Variants in KCNIP4 observed in about 807,000 individuals in gnomAD.
KCNIP4 encodes potassium voltage-gated channel interacting protein 4.
KCNIP4 carries 12 observed loss-of-function variants against 34.0 expected under a neutral mutation model. The observed-to-expected ratio is 0.35, with a 90% CI of 0.23 to 0.57. The LOEUF (loss-of-function observed/expected upper bound fraction) is 0.57, where lower values mean the gene tolerates loss of function less well. KCNIP4 is among the 20% of genes least tolerant of loss of function. The pLI, the probability that KCNIP4 is intolerant of heterozygous loss-of-function variation, is 0.83. For missense variants in KCNIP4, 238 were observed against 311.7 expected, an observed-to-expected ratio of 0.76 and a Z score of 1.78; for synonymous variants, 124 against 102.2, an observed-to-expected ratio of 1.21 and a Z score of -1.29.
At chr4:20,879,345 G>A (rs1046933913) in intron 2 of KCNIP4, among the ~76,000 whole-genome samples, 2 of 152,136 alleles carry the variant, frequency 1.3e-5, no homozygotes, top group Admixed American at 6.6e-5. Flanking sequence ...GATGGGAGAA[G>A]GCCATTGGCT....
At chr4:21,841,479 C>A (rs916339020) in intron 1 of KCNIP4, among the ~76,000 whole-genome samples, 1 of 152,118 alleles carries the variant, frequency 6.6e-6, no homozygotes, top group Non-Finnish European at 1.5e-5. Flanking sequence ...CAACCTTATT[C>A]TTTCTCCCAA....
chr4:21,592,250 G>A (rs1261303366), intron 1 of KCNIP4, among the ~76,000 whole-genome samples: 1 of 152,122 alleles, frequency 6.6e-6, no homozygotes, highest in Admixed American at 6.6e-5. Context: ...TTGGAGAAGA[G>A]AAGAGTATTT....
chr4:21,424,189 A>G (rs1278119712), intron 1 of KCNIP4, among the ~76,000 whole-genome samples: 1 of 152,094 alleles, frequency 6.6e-6, no homozygotes, highest in Non-Finnish European at 1.5e-5. Flanking sequence ...AGGGATGCAT[A>G]AAAGCACATT....
chr4:21,345,821 G>A, intron 1 of KCNIP4, among the ~76,000 whole-genome samples: 1 of 151,842 alleles, frequency 6.6e-6, no homozygotes, highest in East Asian at 1.9e-4. Context: ...GTGTTTAAAT[G>A]ACTAGTTATC....
At chr4:21,616,677 G>A (rs1374596744) in intron 1 of KCNIP4, among the ~76,000 whole-genome samples, 8 of 151,920 alleles carry the variant, frequency 5.3e-5, no homozygotes, top group African/African-American at 1.5e-4. Flanking sequence ...GATTTTTCTC[G>A]GCTTGTAGTT....
At chr4:21,303,480 T>C (rs946560812) in intron 1 of KCNIP4, among the ~76,000 whole-genome samples, 3 of 152,144 alleles carry the variant, frequency 2.0e-5, no homozygotes, top group African/African-American at 7.2e-5. Context: ...AGGTACTAGA[T>C]AAAATAATCA....
At chr4:21,792,068 G>T (rs1230105674) in intron 1 of KCNIP4, among the ~76,000 whole-genome samples, 2 of 138,610 alleles carry the variant, frequency 1.4e-5, no homozygotes, top group Non-Finnish European at 3.1e-5. Flanking sequence ...CACTCTCTCT[G>T]TTTTTTTGAG....
chr4:21,740,764 T>C (rs893995940), intron 1 of KCNIP4, among the ~76,000 whole-genome samples: 1 of 152,162 alleles, frequency 6.6e-6, no homozygotes, highest in Non-Finnish European at 1.5e-5. Flanking sequence ...ATGGAGAATC[T>C]GGGACTTAGC....
At chr4:20,852,070 G>A (rs1721092235) in intron 2 of KCNIP4, among the ~76,000 whole-genome samples, 1 of 152,050 alleles carries the variant, frequency 6.6e-6, no homozygotes, top group Non-Finnish European at 1.5e-5. Context: ...AGAATGGAAG[G>A]ACATCTGAAG....
chr4:21,133,208 T>C (rs571892847), intron 1 of KCNIP4, among the ~76,000 whole-genome samples: 1 of 152,322 alleles, frequency 6.6e-6, no homozygotes, highest in East Asian at 1.9e-4. Flanking sequence ...GGGTTTGTCC[T>C]ATTTACAATC....
intron 1 of KCNIP4, among the ~76,000 whole-genome samples, chr4:21,387,357 C>T (rs564587368): frequency 2.0e-5 from 3 of 152,180 alleles, no homozygotes; most frequent in Non-Finnish European, 2.9e-5. Flanking sequence ...TTCTAAGCAA[C>T]GTTTAATTAT....
chr4:21,419,747 G>T (rs1272163851), intron 1 of KCNIP4, among the ~76,000 whole-genome samples: 1 of 152,024 alleles, frequency 6.6e-6, no homozygotes, highest in Non-Finnish European at 1.5e-5. Flanking sequence ...TTTGCTCCCT[G>T]CCAAGTCATT....
chr4:21,706,299 T>A (rs1180322323), intron 1 of KCNIP4, among the ~76,000 whole-genome samples: 2 of 152,152 alleles, frequency 1.3e-5, no homozygotes, highest in Non-Finnish European at 2.9e-5. Flanking sequence ...AAACCAGTTT[T>A]GGCACATGGT....
chr4:21,679,498 C>T (rs1031631725), intron 1 of KCNIP4, among the ~76,000 whole-genome samples: 3 of 151,924 alleles, frequency 2.0e-5, no homozygotes, highest in East Asian at 1.9e-4. Flanking sequence ...AGGTCCAATC[C>T]CCAACTCCAC....
At chr4:21,499,790 T>C (rs1299820377) in intron 1 of KCNIP4, among the ~76,000 whole-genome samples, 1 of 152,146 alleles carries the variant, frequency 6.6e-6, no homozygotes, top group Admixed American at 6.5e-5. Context: ...CATTATAATT[T>C]TGCATAGACA....
intron 1 of KCNIP4, among the ~76,000 whole-genome samples, chr4:21,838,563 T>C (rs1346238243): frequency 6.6e-6 from 1 of 152,216 alleles, no homozygotes; most frequent in Non-Finnish European, 1.5e-5. Context: ...TTTATATCTA[T>C]GGATACATTA....
intron 1 of KCNIP4, among the ~76,000 whole-genome samples, chr4:21,579,312 A>G (rs1219416749): frequency 6.6e-6 from 1 of 152,216 alleles, no homozygotes; most frequent in African/African-American, 2.4e-5. Flanking sequence ...GAGTTCATCC[A>G]AAATAAATAA....
chr4:21,836,691 A>G (rs1723342488), intron 1 of KCNIP4, among the ~76,000 whole-genome samples: 1 of 152,138 alleles, frequency 6.6e-6, no homozygotes, highest in Non-Finnish European at 1.5e-5. Flanking sequence ...TGGAAAATCC[A>G]GTCTTGCTAT....
intron 1 of KCNIP4, among the ~76,000 whole-genome samples, chr4:21,049,468 A>G (rs28615834): frequency 6.6e-6 from 1 of 152,116 alleles, no homozygotes; most frequent in Non-Finnish European, 1.5e-5. Flanking sequence ...CAGTACCTAC[A>G]GTCTAAACTA....
Sources: allele counts gnomAD v4.1 joint callset (sites outside exome capture counted in the v4.1 genomes callset), GRCh38; gene constraint gnomAD v4.1.1; transcripts MANE v1.5; gene names NCBI Gene and HGNC (gene_info 2026-07-23, HGNC 2026-07-21).